Variants in RCOR3 observed in about 807,000 individuals in gnomAD.
RCOR3 encodes REST corepressor 3.
A neutral mutation model predicts 64.1 loss-of-function variants in RCOR3; 13 were observed. That is an observed-to-expected ratio of 0.20 (90% CI 0.13 to 0.32). The LOEUF (loss-of-function observed/expected upper bound fraction) is 0.32, where lower values mean the gene tolerates loss of function less well. Ranked by LOEUF, RCOR3 falls within the 10% of genes least tolerant of loss-of-function variation. RCOR3 has a pLI of 1.00. For synonymous variants in RCOR3, 215 were observed against 239.0 expected (o/e 0.90, Z 0.93); for missense variants, 489 against 701.2 (o/e 0.70, Z 3.42).
At chr1:211,262,033 CT>C (rs1196587722) in intron 2 of RCOR3, among the ~76,000 whole-genome samples, 5 of 65,514 alleles carry the variant, frequency 7.6e-5, no homozygotes, top group African/African-American at 2.5e-4. Context: ...GCTATAAAAA[CT>C]TTTTTTTTTT....
At chr1:211,265,551 C>G (rs1695049193) in intron 2 of RCOR3, among the ~76,000 whole-genome samples, 1 of 152,090 alleles carries the variant, frequency 6.6e-6, no homozygotes, top group Admixed American at 6.6e-5. Context: ...AACCCCATCT[C>G]TACTAAAAAT....
At chr1:211,296,283 A>G (rs1466532631) in intron 9 of RCOR3, among the ~76,000 whole-genome samples, 1 of 152,160 alleles carries the variant, frequency 6.6e-6, no homozygotes, top group Non-Finnish European at 1.5e-5. Context: ...CAAGTCTTCT[A>G]TTTCAGTTGA....
chr1:211,305,924 A>T (rs371413276), intron 10 of RCOR3, among the ~76,000 whole-genome samples: 1 of 152,184 alleles, frequency 6.6e-6, no homozygotes, highest in East Asian at 1.9e-4. Context: ...GTATTATACT[A>T]TGTACATTTA....
chr1:211,260,273 C>G (rs766375701), intron 2 of RCOR3, 109 bp downstream of exon 2: 1 of 959,620 alleles, frequency 1.0e-6, no homozygotes, highest in Admixed American at 2.0e-5. Context: ...CGGGGTTGGG[C>G]TGGGCAGGCA....
intron 3 of RCOR3, 71 bp from the exon 4 acceptor site, chr1:211,274,139 A>G: frequency 4.7e-6 from 5 of 1,067,790 alleles, no homozygotes; most frequent in Non-Finnish European, 6.9e-6. Context: ...TTGCTATGTT[A>G]AGAACAAAAG....
At chr1:211,279,963 T>A (rs1434317753) in intron 7 of RCOR3, among the ~76,000 whole-genome samples, 1 of 152,184 alleles carries the variant, frequency 6.6e-6, no homozygotes, top group Non-Finnish European at 1.5e-5. Flanking sequence ...GTTGCTACTA[T>A]GAAAAACAGT....
At chr1:211,282,032 T>G (rs947411856) in intron 7 of RCOR3, among the ~76,000 whole-genome samples, 8 of 152,212 alleles carry the variant, frequency 5.3e-5, no homozygotes, top group African/African-American at 1.7e-4. Flanking sequence ...CTTAAGAATT[T>G]GCTACCTAGA....
chr1:211,299,535 C>T (rs1189323994), intron 9 of RCOR3, among the ~76,000 whole-genome samples: 2 of 152,048 alleles, frequency 1.3e-5, no homozygotes, highest in African/African-American at 4.8e-5. Context: ...TTTTCAGCAT[C>T]GAGTAGAAGA....
chr1:211,260,462 C>T (rs1022884211), intron 2 of RCOR3, among the ~76,000 whole-genome samples: 4 of 152,188 alleles, frequency 2.6e-5, no homozygotes, highest in Non-Finnish European at 5.9e-5. Context: ...CGGCCCTTGG[C>T]GGAGTCCAGG....
intron 8 of RCOR3, among the ~76,000 whole-genome samples, chr1:211,294,933 A>T (rs1177414770): frequency 6.6e-6 from 1 of 151,750 alleles, no homozygotes; most frequent in Non-Finnish European, 1.5e-5. Flanking sequence ...GCTAGAGTGC[A>T]TTGGCATAAT....
chr1:211,266,021 AACCTCTTATCATTTGACCGC>A lies in RCOR3; in HGVS notation c.224-5209_224-5190del, dbSNP rs1695123652. Among the ~76,000 whole-genome samples the A allele has an allele frequency of 5.9e-5, 9 of 152,272 alleles. No homozygotes were observed. The South Asian group carries it at 1.9e-3, about 32-fold the overall frequency. ...GAGATGATGGAAGTAGAATGAATCT[AACCTCTTATCATTTGACCGC>A]AGGTGAGTTTTCAGGCAGATTGTCT... On this transcript the variant is annotated intron_variant, in intron 2 of 11. Transcript: ENST00000419091.
At position 211,312,780 on chromosome 1, in the gene RCOR3, T is replaced by C. The variant is rs1029281381; in HGVS notation, c.1136T>C (p.Val379Ala). The change falls in exon 11 of 12, where the codon GTT becomes GCT. Residue 379 changes from valine to alanine, a missense_variant. Physicochemically the swap from Val to Ala is moderately conservative, Grantham distance 64. Coordinates refer to ENST00000419091, the MANE Select transcript of RCOR3 (RefSeq NM_001136223.3). The surrounding 1 kb of genome is among the most constrained non-coding windows in gnomAD (Gnocchi z 5.0). Reference sequence around the variant, plus strand: ...GCAGATGTAATTGGCAACAAGACTGTTGGCCAAGTGAAGAACTTCTTTGTA... The same window carrying C: ...GCAGATGTAATTGGCAACAAGACTGCTGGCCAAGTGAAGAACTTCTTTGTA... ...AIADVIGNKT[V>A]GQVKNFFVNY... 3.1e-6 allele frequency: 5 copies of C among 1,614,090 alleles called. No homozygotes were observed. Among genetic ancestry groups the C allele is most frequent in the Non-Finnish European group, 3.4e-6 (4 of 1,180,036 alleles).
chr1:211,284,271 G>A (rs890926833), intron 7 of RCOR3, among the ~76,000 whole-genome samples: 1 of 151,464 alleles, frequency 6.6e-6, no homozygotes, highest in Non-Finnish European at 1.5e-5. Flanking sequence ...TAGTAGAGAC[G>A]GTGTTTCACT....
At chr1:211,308,197 G>A (rs911091048) in intron 10 of RCOR3, among the ~76,000 whole-genome samples, 9 of 152,090 alleles carry the variant, frequency 5.9e-5, no homozygotes, top group African/African-American at 9.7e-5. Flanking sequence ...CCATAAGAAC[G>A]GAGGTTCAAA....
chr1:211,271,257 C>T lies in RCOR3; in HGVS notation c.249C>T (p.Asp83=), dbSNP rs1175769534. The T allele has an allele frequency of 9.3e-6, 15 of 1,613,552 alleles. No homozygotes were observed. Among genetic ancestry groups the T allele is most frequent in the Non-Finnish European group, 1.3e-5 (15 of 1,179,754 alleles). The change falls in exon 3 of 12, where the codon GAC becomes GAT. Residue 83 remains aspartate, a synonymous_variant. Transcript: ENST00000419091. ...DPGATKYTDK[D]NGGMLVWSPY... ...GTGCTACAAAGTACACAGATAAAGACAATGGAGGGATGCTTGTATGGTCTC... is the reference window on the plus strand; with the variant it reads ...GTGCTACAAAGTACACAGATAAAGATAATGGAGGGATGCTTGTATGGTCTC...
chr1:211,305,794 C>G (rs935841867), intron 10 of RCOR3, among the ~76,000 whole-genome samples: 3 of 152,076 alleles, frequency 2.0e-5, no homozygotes, highest in African/African-American at 7.2e-5. Flanking sequence ...AAAGGAAGAG[C>G]AGTGGTAATA....
rs1701617371 is a variant in RCOR3, at chr1:211,312,662, G to A, written c.1076-58G>A. 1 of 1,193,762 alleles carries A rather than the reference G, an allele frequency of 8.4e-7. No individual in the cohort carries two copies. Among genetic ancestry groups the A allele is most frequent in the Non-Finnish European group, 1.2e-6 (1 of 805,364 alleles). The allele number at this position is 1,193,762 out of a possible 1,614,324, so 73.9% of individuals were successfully genotyped here. On this transcript the variant is annotated intron_variant, in intron 10 of 11. Coordinates refer to ENST00000419091, the MANE Select transcript of RCOR3 (RefSeq NM_001136223.3). This position sits in a 1 kb window ranked among gnomAD's most constrained non-coding sequence, Gnocchi z 5.0. ...ATCTTTTGTGTGTGCATGATGTATA[G>A]TACACACAGCTCTCCTTATTGATCC...
intron 9 of RCOR3, among the ~76,000 whole-genome samples, chr1:211,297,786 G>C (rs1362499268): frequency 6.6e-6 from 1 of 152,096 alleles, no homozygotes; most frequent in East Asian, 1.9e-4. Context: ...GGAGAGGAAG[G>C]CAACTTGAAT....
At chr1:211,286,766 G>A (rs907290317) in intron 7 of RCOR3, among the ~76,000 whole-genome samples, 10 of 152,148 alleles carry the variant, frequency 6.6e-5, no homozygotes, top group Admixed American at 6.5e-4. Context: ...TTATATACTA[G>A]TTTTGTGCAC....
Sources: allele counts gnomAD v4.1 joint callset (sites outside exome capture counted in the v4.1 genomes callset), GRCh38; gene constraint gnomAD v4.1.1; non-coding constraint Gnocchi (gnomAD v3.1); transcripts MANE v1.5; gene names NCBI Gene and HGNC (gene_info 2026-07-23, HGNC 2026-07-21).